Variants in NFE2L3 observed in about 807,000 individuals in gnomAD.
NFE2L3 encodes NFE2 like bZIP transcription factor 3.
A neutral mutation model predicts 23.5 loss-of-function variants in NFE2L3; 18 were observed. That is an observed-to-expected ratio of 0.77 (90% CI 0.53 to 1.13). NFE2L3 has a LOEUF of 1.13. Among genes scored for constraint, NFE2L3 ranks in the 50% most tolerant of loss-of-function variants. The pLI is 0.00. For synonymous variants in NFE2L3, 424 were observed against 354.5 expected, an observed-to-expected ratio of 1.20 and a Z score of -2.20; for missense variants, 1,152 against 877.2, an observed-to-expected ratio of 1.31 and a Z score of -3.96.
intron 2 of NFE2L3, among the ~76,000 whole-genome samples, chr7:26,178,697 AGGGAT>A (rs1784457651): frequency 6.6e-6 from 1 of 152,130 alleles, no homozygotes; most frequent in African/African-American, 2.4e-5. Context: ...GCCAGGCTGA[AGGGAT>A]GGATGCTTTC....
chr7:26,165,442 T>A (rs948548630), intron 1 of NFE2L3, among the ~76,000 whole-genome samples: 10 of 152,332 alleles, frequency 6.6e-5, no homozygotes, highest in African/African-American at 2.4e-4. Flanking sequence ...ATGATTTGGC[T>A]CTGTTTGTCT....
intron 2 of NFE2L3, among the ~76,000 whole-genome samples, chr7:26,178,793 A>G (rs1383988730): frequency 6.6e-6 from 1 of 152,150 alleles, no homozygotes. Flanking sequence ...GCCCACAAGC[A>G]TGGCAAACAG....
intron 1 of NFE2L3, among the ~76,000 whole-genome samples, chr7:26,176,067 T>G (rs550297352): frequency 4.6e-5 from 7 of 151,672 alleles, no homozygotes; most frequent in Non-Finnish European, 1.0e-4. Context: ...TGACTCTTAA[T>G]GAGCATGCTG....
At chr7:26,178,603 C>T (rs922969926) in intron 2 of NFE2L3, among the ~76,000 whole-genome samples, 1 of 152,190 alleles carries the variant, frequency 6.6e-6, no homozygotes, top group Non-Finnish European at 1.5e-5. Flanking sequence ...CATCCATGGT[C>T]CAGTGGGACC....
At chr7:26,171,300 C>A (rs1423904751) in intron 1 of NFE2L3, among the ~76,000 whole-genome samples, 1 of 152,146 alleles carries the variant, frequency 6.6e-6, no homozygotes, top group Non-Finnish European at 1.5e-5. Context: ...AATCCCAGTA[C>A]TTTGGGAGGC....
At position 26,152,626 on chromosome 7, in the gene NFE2L3, A is replaced by G. The variant is rs751406830; in HGVS notation, c.128A>G (p.Gln43Arg). The G allele has an allele frequency of 2.0e-6, 3 of 1,532,056 alleles. No homozygotes were observed. Among genetic ancestry groups the G allele is most frequent in the Non-Finnish European group, 2.6e-6 (3 of 1,150,230 alleles). The allele number at this position is 1,532,056 out of a possible 1,614,324, so 94.9% of individuals were successfully genotyped here. A position where few individuals can be genotyped will look rare whatever the true frequency, so the allele number is the denominator to read the frequency against. ...YLLLPPPTLLQDELLFLGGPA... is the reference protein window; with the variant it reads ...YLLLPPPTLLRDELLFLGGPA... Reference sequence around the variant, plus strand: ...CTGCTGCCGCCGCCCACCCTGCTGCAGGACGAGCTGCTGTTCCTGGGCGGC... The same window carrying G: ...CTGCTGCCGCCGCCCACCCTGCTGCGGGACGAGCTGCTGTTCCTGGGCGGC... Residue 43 changes from glutamine (Q) to arginine (R), a missense_variant, in exon 1 of 4, where the codon CAG becomes CGG. By Grantham distance (43) the Gln-to-Arg change is conservative. Coordinates refer to ENST00000056233, the MANE Select transcript of NFE2L3 (RefSeq NM_004289.7). This position sits in a 1 kb window ranked among gnomAD's most constrained non-coding sequence, Gnocchi z 4.4.
chr7:26,184,431 GTAGAGGAATTGACAA>G, intron 3 of NFE2L3, 87 bp from the exon 4 acceptor site: 1 of 1,023,966 alleles, frequency 9.8e-7, no homozygotes, highest in Middle Eastern at 2.2e-4. Flanking sequence ...TCTATTAAAT[GTAGAGGAATTGACAA>G]AAGAGGGGAA....
In NFE2L3 at chr7:26,178,259, T is replaced by C. The variant is rs1356072497; in HGVS notation, c.750+137T>C. On this transcript the variant is annotated intron_variant, in intron 2 of 3. Coordinates refer to ENST00000056233, the MANE Select transcript of NFE2L3 (RefSeq NM_004289.7). ...CAAATATGATATATGAAAATACCTA[T>C]GTCTTTAAGTTATGGGAGTAGTAAT... 4.4e-6 allele frequency: 3 copies of C among 684,350 alleles called. No homozygotes were observed. In the African/African-American group the frequency reaches 5.5e-5, roughly 12 times the overall value. The allele number at this position is 684,350 out of a possible 1,614,324, so 42.4% of individuals were successfully genotyped here.
chr7:26,167,078 A>G (rs751204417), intron 1 of NFE2L3, among the ~76,000 whole-genome samples: 9 of 152,180 alleles, frequency 5.9e-5, no homozygotes, highest in Non-Finnish European at 1.2e-4. Flanking sequence ...TTGCAAGGAG[A>G]AAAGAAAAGG....
At chr7:26,176,062 C>T (rs890511054) in intron 1 of NFE2L3, among the ~76,000 whole-genome samples, 3 of 151,702 alleles carry the variant, frequency 2.0e-5, no homozygotes, top group African/African-American at 7.3e-5. Flanking sequence ...GGTGATGACT[C>T]TTAATGAGCA....
intron 1 of NFE2L3, 74 bp from the exon 2 acceptor site, chr7:26,177,869 T>C: frequency 7.8e-7 from 1 of 1,280,346 alleles, no homozygotes; most frequent in Non-Finnish European, 1.1e-6. Context: ...TGGGTTTTCA[T>C]GGTCCCTGAA....
intron 1 of NFE2L3, among the ~76,000 whole-genome samples, chr7:26,164,179 G>A (rs62446345): frequency 0.011 from 1,659 of 152,284 alleles, 17 homozygotes; most frequent in Non-Finnish European, 0.018. Flanking sequence ...CCCAGTAATG[G>A]GATGGCTAGG....
At chr7:26,157,107 A>C (rs1784093230) in intron 1 of NFE2L3, among the ~76,000 whole-genome samples, 1 of 152,060 alleles carries the variant, frequency 6.6e-6, no homozygotes, top group Admixed American at 6.5e-5. Context: ...GCGAGACTCC[A>C]TCTCAAAAGA....
chr7:26,167,217 C>T (rs780857342), intron 1 of NFE2L3, among the ~76,000 whole-genome samples: 5 of 152,158 alleles, frequency 3.3e-5, no homozygotes, highest in Non-Finnish European at 7.3e-5. Flanking sequence ...ATCATGTTTA[C>T]AGCCAGTAGG....
Position 26,158,058 on chromosome 7 carries a change from T to TG in NFE2L3, c.570+4990_570+4991insG, listed in dbSNP as rs200942651. Among the ~76,000 whole-genome samples, 11 of 113,058 alleles carry TG rather than the reference T, an allele frequency of 9.7e-5. No individual in the cohort carries two copies. In the East Asian group the frequency reaches 1.6e-3, roughly 16 times the overall value. 74.2% of individuals were successfully genotyped at this position (113,058 alleles called of 152,430 possible). The stretch of plus-strand genomic sequence containing the variant: ...GGGGTTTTTTTGTTTTGTTTTGTTT[T>TG]TTATTTTTGAGATGGAATCTTGCTC... On this transcript the variant is annotated intron_variant, in intron 1 of 3. Transcript: ENST00000056233.
chr7:26,185,163 C>A lies in NFE2L3; in HGVS notation c.1465C>A (p.Leu489Ile), dbSNP rs1296482984. Reference sequence around the variant, plus strand: ...AAGTGATTCTGATTTCCATGGAGATCTTACATTTCAACACGTATTTCATAA... The same window carrying A: ...AAGTGATTCTGATTTCCATGGAGATATTACATTTCAACACGTATTTCATAA... ...DQSDSDFHGD[L>I]TFQHVFHNHT... is the part of the protein sequence containing the mutation. Residue 489 changes from leucine (L) to isoleucine (I), a missense_variant, in exon 4 of 4, where the codon CTT becomes ATT. Physicochemically the swap from Leu to Ile is conservative, Grantham distance 5. Coordinates refer to ENST00000056233, the MANE Select transcript of NFE2L3 (RefSeq NM_004289.7). 4 of 1,613,684 alleles carry A rather than the reference C, an allele frequency of 2.5e-6. No homozygotes were observed. Among genetic ancestry groups the A allele is most frequent in the Non-Finnish European group, 3.4e-6 (4 of 1,179,840 alleles).
intron 1 of NFE2L3, among the ~76,000 whole-genome samples, chr7:26,158,036 G>T (rs1157009538): frequency 8.1e-6 from 1 of 123,934 alleles, no homozygotes; most frequent in Admixed American, 7.7e-5. Flanking sequence ...TGTTGTTGGG[G>T]TTTTTTTGTT....
intron 2 of NFE2L3, among the ~76,000 whole-genome samples, chr7:26,182,806 AAT>A (rs772642800): frequency 6.6e-6 from 1 of 152,128 alleles, no homozygotes; most frequent in African/African-American, 2.4e-5. Context: ...TGACTGTAAA[AAT>A]ATTTTTTGAG....
At chr7:26,182,809 A>AG in intron 2 of NFE2L3, among the ~76,000 whole-genome samples, 1 of 152,244 alleles carries the variant, frequency 6.6e-6, no homozygotes. Flanking sequence ...CTGTAAAAAT[A>AG]TTTTTTGAGA....
Sources: allele counts gnomAD v4.1 joint callset (sites outside exome capture counted in the v4.1 genomes callset), GRCh38; gene constraint gnomAD v4.1.1; non-coding constraint Gnocchi (gnomAD v3.1); transcripts MANE v1.5; gene names NCBI Gene and HGNC (gene_info 2026-07-23, HGNC 2026-07-21).